The following MAP3K10 variants were observed in gnomAD, a reference collection of about 807,000 sequenced individuals.
MAP3K10 encodes mitogen-activated protein kinase kinase kinase 10, also known as MKN28 derived nonreceptor_type serine/threonine kinase.
MAP3K10 carries 22 observed loss-of-function variants against 75.0 expected under a neutral mutation model. The ratio of observed to expected loss-of-function variants is 0.29; its 90% confidence interval spans 0.21 to 0.42. The LOEUF is 0.42. Ranked by LOEUF, MAP3K10 falls within the 10% of genes least tolerant of loss-of-function variation. The pLI is 1.00. For synonymous variants in MAP3K10, 599 were observed against 612.9 expected (o/e 0.98, Z 0.34); for missense variants, 1,165 against 1,379.8 (o/e 0.84, Z 2.47).
At position 40,204,452 on chromosome 19, in the gene MAP3K10, GCGA is replaced by G; in HGVS notation, c.864-31_864-29del. The G allele has an allele frequency of 6.3e-7, 1 of 1,599,828 alleles. No individual in the cohort carries two copies. The highest frequency in any genetic ancestry group is 8.5e-7 in the Non-Finnish European group (1 of 1,174,162). ...GTATAGGTGAGGATTGGGGTGGGCT[GCGA>G]CATCACCCCTCCCTCTCCCCTGCCT... On this transcript the variant is annotated intron_variant, in intron 2 of 9. Coordinates refer to ENST00000253055, the MANE Select transcript of MAP3K10 (RefSeq NM_002446.4). This position sits in a 1 kb window ranked among gnomAD's most constrained non-coding sequence, Gnocchi z 4.3.
chr19:40,213,853 C>A lies in MAP3K10; in HGVS notation c.2174C>A (p.Ala725Glu). ...GRFPRGLSPP[A>E]RPHGRREDVG... ...TTCCCGCGGGGCCTCAGCCCACCCG[C>A]GCGTCCCCACGGCCGCCGCGAAGAC... The change falls in exon 9 of 10, where the codon GCG becomes GAG. Residue 725 changes from alanine (A) to glutamate (E), a missense_variant. Around this residue, in one of 2 missense-constraint regions of MAP3K10, gnomAD observed 590 missense variants for 586.6 expected, o/e 1.01. Transcript: ENST00000253055. This position sits in a 1 kb window ranked among gnomAD's most constrained non-coding sequence, Gnocchi z 5.7. 7.2e-7 allele frequency: 1 copy of A among 1,384,558 alleles called. No homozygotes were observed. The highest frequency in any genetic ancestry group is 9.3e-7 in the Non-Finnish European group (1 of 1,074,842). The allele number at this position is 1,384,558 out of a possible 1,614,324, so 85.8% of individuals were successfully genotyped here. A position where few individuals can be genotyped will look rare whatever the true frequency, so the allele number is the denominator to read the frequency against.
At chr19:40,208,363 T>TTTTTATTTTTTTTA (rs1555756663) in intron 5 of MAP3K10, among the ~76,000 whole-genome samples, 3 of 111,888 alleles carry the variant, frequency 2.7e-5, no homozygotes, top group African/African-American at 3.6e-5. Flanking sequence ...TTTTTTTTTT[T>TTTTTATTTTTTTTA]TTTTTTGTAT....
intron 5 of MAP3K10, among the ~76,000 whole-genome samples, chr19:40,207,979 T>TG (rs1973153777): frequency 6.6e-6 from 1 of 152,040 alleles, no homozygotes; most frequent in Non-Finnish European, 1.5e-5. Context: ...GCTCCCACTT[T>TG]GGCCTCCCAA....
At chr19:40,199,416 T>G (rs948555845) in intron 2 of MAP3K10, among the ~76,000 whole-genome samples, 1 of 152,344 alleles carries the variant, frequency 6.6e-6, no homozygotes, top group East Asian at 1.9e-4. Flanking sequence ...GCTGGAAGAC[T>G]ACTTTTGGGA....
In MAP3K10 at chr19:40,212,124, A is replaced by C. The variant is rs1320103939; in HGVS notation, c.1553-681A>C. On this transcript the variant is annotated intron_variant, in intron 6 of 9. Coordinates refer to ENST00000253055, the MANE Select transcript of MAP3K10 (RefSeq NM_002446.4). This position sits in a 1 kb window ranked among gnomAD's most constrained non-coding sequence, Gnocchi z 4.2. The stretch of plus-strand genomic sequence containing the variant: ...TGACCTTTTTCCCTCTGGCTGCTGT[A>C]AGAAATAAAGGTGGAGAAAGCAGTG... Among the ~76,000 whole-genome samples, 2 of 152,178 alleles carry C rather than the reference A, an allele frequency of 1.3e-5. No homozygotes were observed. Among genetic ancestry groups the C allele is most frequent in the Non-Finnish European group, 2.9e-5 (2 of 68,020 alleles).
rs758010359 is a variant in MAP3K10, at chr19:40,212,913, A to G, written c.1661A>G (p.Lys554Arg). The G allele has an allele frequency of 6.2e-7, 1 of 1,613,418 alleles. No homozygotes were observed. The highest frequency in any genetic ancestry group is 1.1e-5 in the South Asian group (1 of 91,016). ...PKKEELVGGK[K>R]KGRTWGPSST... ...AAGGAAGAACTGGTCGGGGGCAAGA[A>G]GAAGGGACGAACGTGGGGGCCCAGC... Residue 554 changes from lysine (K) to arginine (R), a missense_variant, in exon 7 of 10, where the codon AAG becomes AGG. Transcript: ENST00000253055. The surrounding 1 kb of genome is among the most constrained non-coding windows in gnomAD (Gnocchi z 4.2).
intron 1 of MAP3K10, among the ~76,000 whole-genome samples, chr19:40,195,779 G>C (rs1972894665): frequency 6.6e-6 from 1 of 152,092 alleles, no homozygotes; most frequent in Admixed American, 6.6e-5. Flanking sequence ...ACAGGCATGA[G>C]CCACCGCGTC....
Position 40,206,018 on chromosome 19 carries a change from C to T in MAP3K10, c.1296C>T (p.Asp432=), listed in dbSNP as rs553818989. The change falls in exon 5 of 10, where the codon GAC becomes GAT. Residue 432 remains aspartate, a synonymous_variant. Transcript: ENST00000253055. ...REQELAEREM[D]IVERELHLLM... is the part of the protein sequence containing the mutation. ...AGGAGCTGGCAGAACGTGAGATGGA[C>T]ATCGTGGAACGGGAGCTGCACCTGC... 1.4e-5 allele frequency: 23 copies of T among 1,613,196 alleles called. No homozygotes were observed. In the South Asian group the frequency reaches 2.2e-4, roughly 15 times the overall value.
Position 40,214,049 on chromosome 19 carries a change from C to T in MAP3K10, c.2370C>T (p.Ser790=), listed in dbSNP as rs762303152. The change falls in exon 9 of 10, where the codon AGC becomes AGT. Residue 790 remains serine (S), a synonymous_variant. Coordinates refer to ENST00000253055, the MANE Select transcript of MAP3K10 (RefSeq NM_002446.4). ...CGCCCACACCCACGCCCTCGCCCAG[C>T]ACCAACCCCCTGGTGGACCTGGAGC... is the stretch of plus-strand genomic sequence containing the variant. ...PPAPTPTPSP[S]TNPLVDLELE... The T allele has an allele frequency of 6.5e-7, 1 of 1,537,538 alleles. No individual in the cohort carries two copies. Among genetic ancestry groups the T allele is most frequent in the Non-Finnish European group, 8.7e-7 (1 of 1,148,632 alleles).
chr19:40,197,029 C>T (rs1972919714), intron 1 of MAP3K10, among the ~76,000 whole-genome samples: 2 of 152,138 alleles, frequency 1.3e-5, no homozygotes, highest in Admixed American at 1.3e-4. Context: ...TAATAAGCTA[C>T]CCCCAAAACT....
At chr19:40,201,039 C>T (rs1392594155) in intron 2 of MAP3K10, among the ~76,000 whole-genome samples, 3 of 152,110 alleles carry the variant, frequency 2.0e-5, no homozygotes, top group Admixed American at 6.6e-5. Flanking sequence ...CCATAGGTTT[C>T]CAAGGACATG....
chr19:40,209,064 G>A (rs772077560), intron 5 of MAP3K10, 39 bp from the exon 6 acceptor site: 3 of 1,467,486 alleles, frequency 2.0e-6, no homozygotes, highest in Non-Finnish European at 1.9e-6. Flanking sequence ...GTAATCCCTG[G>A]AACCATTTGC....
chr19:40,212,969 G>A lies in MAP3K10; in HGVS notation c.1717G>A (p.Glu573Lys). Residue 573 changes from glutamate to lysine, a missense_variant, in exon 7 of 10, where the codon GAG becomes AAG. Glu to Lys is a moderately conservative substitution (Grantham distance 56). Around this residue, in one of 2 missense-constraint regions of MAP3K10, gnomAD observed 590 missense variants for 586.6 expected, o/e 1.01. Transcript: ENST00000253055. This position sits in a 1 kb window ranked among gnomAD's most constrained non-coding sequence, Gnocchi z 4.2. ...CCTGCAGAAGGAGCGGGTGGGAGGA[G>A]AGGAGAGGTGAGGTGTGGTGTGGTC... ...STLQKERVGG[E>K]ERLKGLGEGS... The A allele has an allele frequency of 1.9e-6, 3 of 1,601,728 alleles. No homozygotes were observed. The highest frequency in any genetic ancestry group is 2.6e-6 in the Non-Finnish European group (3 of 1,173,706).
At position 40,206,049 on chromosome 19, in the gene MAP3K10, T is replaced by A; in HGVS notation, c.1327T>A (p.Cys443Ser). Residue 443 changes from cysteine to serine, a missense_variant, in exon 5 of 10, where the codon TGC (cysteine) becomes AGC (serine). Coordinates refer to ENST00000253055, the MANE Select transcript of MAP3K10 (RefSeq NM_002446.4). Reference protein sequence around the residue: ...IVERELHLLMCQLSQEKPRVR... With the variant: ...IVERELHLLMSQLSQEKPRVR... ...GGAACGGGAGCTGCACCTGCTCATG[T>A]GCCAGCTGAGCCAGGAGAAGCCCCG... 6.2e-7 allele frequency: 1 copy of A among 1,613,488 alleles called. No individual in the cohort carries two copies. Among genetic ancestry groups the A allele is most frequent in the Non-Finnish European group, 8.5e-7 (1 of 1,179,718 alleles).
rs996515024 is a variant in MAP3K10, at chr19:40,191,573, C to T, written c.-459C>T. Among the ~76,000 whole-genome samples the T allele has an allele frequency of 2.0e-5, 3 of 146,736 alleles. No homozygotes were observed. The highest frequency in any genetic ancestry group is 3.0e-5 in the Non-Finnish European group (2 of 65,984). On this transcript the variant is annotated 5_prime_UTR_variant, in exon 1 of 10. Coordinates refer to ENST00000253055, the MANE Select transcript of MAP3K10 (RefSeq NM_002446.4). ...AGGGGCGCGCCACCCCGGCCCGGGG[C>T]GGCCGCCCCAGGGGCCCCGCCACCC... is the stretch of plus-strand genomic sequence containing the variant.
At position 40,205,704 on chromosome 19, in the gene MAP3K10, A is replaced by T; in HGVS notation, c.1189-207A>T. On this transcript the variant is annotated intron_variant, in intron 4 of 9. Transcript: ENST00000253055. The surrounding 1 kb of genome is among the most constrained non-coding windows in gnomAD (Gnocchi z 4.3). ...GAAGAGTTAAGAAAGAAAAAGAAAG[A>T]AAAAGCACCCCTTTCTTTGAGCTAA... is the stretch of plus-strand genomic sequence containing the variant. The T allele has an allele frequency of 1.8e-6, 1 of 548,128 alleles. No homozygotes were observed. The allele number at this position is 548,128 out of a possible 1,614,324, so 34.0% of individuals were successfully genotyped here. A position where few individuals can be genotyped will look rare whatever the true frequency, so the allele number is the denominator to read the frequency against.
At position 40,213,290 on chromosome 19, in the gene MAP3K10, G is replaced by A; in HGVS notation, c.1837+102G>A. 2.1e-6 allele frequency: 3 copies of A among 1,454,482 alleles called. No individual in the cohort carries two copies. Among genetic ancestry groups the A allele is most frequent in the Non-Finnish European group, 2.7e-6 (3 of 1,105,894 alleles). 90.1% of individuals were successfully genotyped at this position (1,454,482 alleles called of 1,614,324 possible). On this transcript the variant is annotated intron_variant, in intron 8 of 9. Coordinates refer to ENST00000253055, the MANE Select transcript of MAP3K10 (RefSeq NM_002446.4). The surrounding 1 kb of genome is among the most constrained non-coding windows in gnomAD (Gnocchi z 5.7). ...ACCAGGTTTCACTGGGCCAGTGAGT[G>A]GAAGGCCTTCCTGGGAAGGGAGATG...
chr19:40,211,559 G>A (rs1483199120), intron 6 of MAP3K10, among the ~76,000 whole-genome samples: 4 of 131,974 alleles, frequency 3.0e-5, no homozygotes, highest in East Asian at 2.2e-4. Flanking sequence ...CCCAGTGTCC[G>A]TTGTTCCCCT....
chr19:40,212,757 T>C lies in MAP3K10; in HGVS notation c.1553-48T>C. 6.4e-7 allele frequency: 1 copy of C among 1,558,584 alleles called. No individual in the cohort carries two copies. Among genetic ancestry groups the C allele is most frequent in the South Asian group, 1.2e-5 (1 of 84,598 alleles). ...GGGGCACTGGAGGCTGGGAGCCCAG[T>C]GGGGACAGATCCTCCACCCAGTAAC... On this transcript the variant is annotated intron_variant, in intron 6 of 9. Transcript: ENST00000253055. The surrounding 1 kb of genome is among the most constrained non-coding windows in gnomAD (Gnocchi z 4.2).
Sources: allele counts gnomAD v4.1 joint callset (sites outside exome capture counted in the v4.1 genomes callset), GRCh38; gene constraint gnomAD v4.1.1; regional missense constraint gnomAD v4.1.1; non-coding constraint Gnocchi (gnomAD v3.1); transcripts MANE v1.5; gene names NCBI Gene and HGNC (gene_info 2026-07-23, HGNC 2026-07-21).